Variants in ZNF300 observed in about 807,000 individuals in gnomAD.
The protein encoded by ZNF300 is zinc finger protein 300.
Under a neutral mutation model 13.9 loss-of-function variants are expected in ZNF300, and 6 were observed. That is an observed-to-expected ratio of 0.43 (90% CI 0.24 to 0.85). The LOEUF (loss-of-function observed/expected upper bound fraction) is 0.85. Ranked by LOEUF, ZNF300 falls within the 40% of genes least tolerant of loss-of-function variation. The pLI is 0.25. For synonymous variants in ZNF300, 237 were observed against 242.2 expected (o/e 0.98, Z 0.20); for missense variants, 662 against 714.2 (o/e 0.93, Z 0.83).
chr5:150,895,423 A>G lies in ZNF300; in HGVS notation c.*1T>C, dbSNP rs746958092. On this transcript the variant is annotated 3_prime_UTR_variant, in exon 6 of 6. Transcript: ENST00000274599. ...ACTAAGGCTTTTCTGTGGCCAGTTC[A>G]TTATGATTTTACCACTGTGTGAATT... 4 of 1,586,602 alleles carry G rather than the reference A, an allele frequency of 2.5e-6. No individual in the cohort carries two copies. The East Asian group carries it at 9.0e-5, about 36-fold the overall frequency.
At chr5:150,901,438 C>T (rs1157823451) in intron 3 of ZNF300, among the ~76,000 whole-genome samples, 1 of 151,934 alleles carries the variant, frequency 6.6e-6, no homozygotes, top group Non-Finnish European at 1.5e-5. Flanking sequence ...TCAGACTAGC[C>T]AATTTCAAGT....
In ZNF300 at chr5:150,898,483, C is replaced by T. The variant is rs774783585; in HGVS notation, c.87G>A (p.Gln29=). 4 of 1,613,172 alleles carry T rather than the reference C, an allele frequency of 2.5e-6. No individual in the cohort carries two copies. Among genetic ancestry groups the T allele is most frequent in the Non-Finnish European group, 3.4e-6 (4 of 1,179,528 alleles). Residue 29 remains glutamine (Q), a synonymous_variant, in exon 4 of 6, where the codon CAG becomes CAA. Transcript: ENST00000274599. The stretch of plus-strand genomic sequence containing the variant: ...GCATCACATCCCTGTACAGGGTCCT[C>T]TGAGAAGGGTCAAGTTGCTGCCACT... The part of the protein sequence containing the change: ...QEEWQQLDPS[Q]RTLYRDVMLE...
intron 2 of ZNF300, 33 bp from the exon 3 acceptor site, chr5:150,903,215 T>A (rs745893426): frequency 6.2e-7 from 1 of 1,614,048 alleles, no homozygotes; most frequent in East Asian, 2.2e-5. Flanking sequence ...CAGAATGTTT[T>A]TCATAGTCCA....
intron 5 of ZNF300, chr5:150,897,240 T>C: frequency 2.9e-6 from 1 of 341,928 alleles, no homozygotes; most frequent in Non-Finnish European, 5.3e-6. Context: ...TCTTCTAGAA[T>C]ATTTCACTTC....
rs748770249 is a variant in ZNF300, at chr5:150,896,919, A to C, written c.320T>G (p.Phe107Cys). Residue 107 changes from phenylalanine to cysteine, a missense_variant, in exon 6 of 6, where the codon TTC becomes TGC. Transcript: ENST00000274599. The stretch of plus-strand genomic sequence containing the variant: ...GACTCCTTTCAGTATCTTATGATGG[A>C]AGGAAACTGTCCCCAAAATACATGA... ...SQSCILGTVS[F>C]HHKILKGVTR... The C allele has an allele frequency of 6.2e-7, 1 of 1,613,334 alleles. No homozygotes were observed. The highest frequency in any genetic ancestry group is 1.7e-5 in the Admixed American group (1 of 59,836).
At chr5:150,902,993 T>C in intron 3 of ZNF300, 148 bp downstream of exon 3, 1 of 808,282 alleles carries the variant, frequency 1.2e-6, no homozygotes, top group South Asian at 1.8e-5. Flanking sequence ...CAGCCAGGTT[T>C]TTTACATATT....
intron 5 of ZNF300, chr5:150,897,204 G>A (rs1464179173): frequency 5.1e-6 from 2 of 395,332 alleles, no homozygotes; most frequent in Non-Finnish European, 8.9e-6. Context: ...TGAAAAAGTG[G>A]GGTCTCATCA....
At chr5:150,897,708 C>G (rs78713819) in intron 5 of ZNF300, 11,228 of 253,402 alleles carry the variant, frequency 0.044, 328 homozygotes, top group East Asian at 0.14. Context: ...TCTCTTTAGA[C>G]TCTTAATTTT....
chr5:150,895,429 A>G lies in ZNF300; in HGVS notation c.1810T>C (p.Ser604Pro). Residue 604 changes from serine to proline, a missense_variant, in exon 6 of 6, where the codon TCA becomes CCA. Ser to Pro is a moderately conservative substitution (Grantham distance 74). Transcript: ENST00000274599. Reference protein sequence around the residue: ...VHQRIHTVVKS With the variant: ...VHQRIHTVVKP ...GCTTTTCTGTGGCCAGTTCATTATG[A>G]TTTTACCACTGTGTGAATTCTCTGG... 1 of 1,594,696 alleles carries G rather than the reference A, an allele frequency of 6.3e-7. No homozygotes were observed. Among genetic ancestry groups the G allele is most frequent in the Non-Finnish European group, 8.6e-7 (1 of 1,168,872 alleles).
intron 3 of ZNF300, among the ~76,000 whole-genome samples, chr5:150,901,132 T>C (rs562569903): frequency 1.3e-5 from 2 of 152,042 alleles, no homozygotes; most frequent in Non-Finnish European, 2.9e-5. Flanking sequence ...TATACAGCCC[T>C]CTTCCTGAAG....
At chr5:150,904,231 C>T (rs1358586674) in intron 1 of ZNF300, among the ~76,000 whole-genome samples, 1 of 151,546 alleles carries the variant, frequency 6.6e-6, no homozygotes, top group Non-Finnish European at 1.5e-5. Context: ...AGGGGTTGAC[C>T]TTTAAGAACT....
chr5:150,895,231 TA>T lies in ZNF300; in HGVS notation c.*192del. 1 of 500,034 alleles carries T rather than the reference TA, an allele frequency of 2.0e-6. No individual in the cohort carries two copies. The highest frequency in any genetic ancestry group is 3.5e-6 in the Non-Finnish European group (1 of 285,802). The allele number at this position is 500,034 out of a possible 1,614,324, so 31.0% of individuals were successfully genotyped here. Reference sequence around the variant, plus strand: ...ACTTTAAAAGCTTTACATGCCATATTAAAAATGTTCTTCATTTATATAACTA... The same window carrying T: ...ACTTTAAAAGCTTTACATGCCATATTAAAATGTTCTTCATTTATATAACTA... On this transcript the variant is annotated 3_prime_UTR_variant, in exon 6 of 6. Coordinates refer to ENST00000274599, the MANE Select transcript of ZNF300 (RefSeq NM_052860.4).
Position 150,896,263 on chromosome 5 carries a change from C to A in ZNF300, c.976G>T (p.Asp326Tyr). Residue 326 changes from aspartate (D) to tyrosine (Y), a missense_variant, in exon 6 of 6, where the codon GAT becomes TAT. Physicochemically the swap from Asp to Tyr is radical, Grantham distance 160. Coordinates refer to ENST00000274599, the MANE Select transcript of ZNF300 (RefSeq NM_052860.4). ...AAGGCTTTTCCACATTCAGAACAAT[C>A]ATAAGGTTTCTCCCCAGTATGAGTT... is the stretch of plus-strand genomic sequence containing the variant. ...QRTHTGEKPY[D>Y]CSECGKAFSQ... is the part of the protein sequence containing the mutation. 1 of 1,613,712 alleles carries A rather than the reference C, an allele frequency of 6.2e-7. No homozygotes were observed. Among genetic ancestry groups the A allele is most frequent in the Non-Finnish European group, 8.5e-7 (1 of 1,179,816 alleles).
chr5:150,899,451 T>C (rs540846074), intron 3 of ZNF300, among the ~76,000 whole-genome samples: 41 of 152,172 alleles, frequency 2.7e-4, no homozygotes, highest in African/African-American at 9.9e-4. Context: ...TAGAGAATCA[T>C]AGAATGTCAG....
In ZNF300 at chr5:150,898,067, C is replaced by G. The variant is rs1262121769; in HGVS notation, c.260G>C (p.Arg87Thr). 2 of 1,609,108 alleles carry G rather than the reference C, an allele frequency of 1.2e-6. No individual in the cohort carries two copies. Among genetic ancestry groups the G allele is most frequent in the South Asian group, 2.2e-5 (2 of 89,680 alleles). ...IYPDEYQADG[R>T]QDRKSNLHNS... ...TAAATTGATATTTCACTTCCCTTGT[C>G]TCCCATCTGCCTGATATTCATCTGG... The change falls in exon 5 of 6, where the codon AGA becomes ACA. Residue 87 changes from arginine to threonine, a missense_variant. By Grantham distance (71) the Arg-to-Thr change is moderately conservative. Coordinates refer to ENST00000274599, the MANE Select transcript of ZNF300 (RefSeq NM_052860.4).
chr5:150,903,076 T>C, intron 3 of ZNF300, 65 bp downstream of exon 3: 1 of 1,522,512 alleles, frequency 6.6e-7, no homozygotes, highest in Admixed American at 1.8e-5. Context: ...TAGCTAACTT[T>C]ACTTTCCATT....
chr5:150,899,060 A>C (rs1464309397), intron 3 of ZNF300, among the ~76,000 whole-genome samples: 1 of 152,080 alleles, frequency 6.6e-6, no homozygotes, highest in African/African-American at 2.4e-5. Flanking sequence ...AAAGACATGC[A>C]TAGAGGGAAG....
Position 150,895,929 on chromosome 5 carries a change from T to C in ZNF300, c.1310A>G (p.Tyr437Cys). The change falls in exon 6 of 6, where the codon TAC (tyrosine) becomes TGC (cysteine). Residue 437 changes from tyrosine (Y) to cysteine (C), a missense_variant. Transcript: ENST00000274599. ...GGCTTCCTCACATTGAGCACATTTGTAGGGTTTCTCACCAGTGTGAATTCT... is the reference window on the plus strand; with the variant it reads ...GGCTTCCTCACATTGAGCACATTTGCAGGGTTTCTCACCAGTGTGAATTCT... ...HKRIHTGEKP[Y>C]KCAQCEEAFS... is the part of the protein sequence containing the mutation. The C allele has an allele frequency of 2.5e-6, 4 of 1,613,580 alleles. No homozygotes were observed. The highest frequency in any genetic ancestry group is 2.2e-5 in the South Asian group (2 of 91,064).
chr5:150,904,549 C>A (rs951584274), intron 1 of ZNF300, among the ~76,000 whole-genome samples, 155 bp downstream of exon 1: 12 of 151,880 alleles, frequency 7.9e-5, no homozygotes, highest in African/African-American at 2.9e-4. Context: ...ATAGACACCC[C>A]CTCACCTCTC....
Sources: allele counts gnomAD v4.1 joint callset (sites outside exome capture counted in the v4.1 genomes callset), GRCh38; gene constraint gnomAD v4.1.1; transcripts MANE v1.5; gene names NCBI Gene and HGNC (gene_info 2026-07-23, HGNC 2026-07-21).